Variants in TOP2A observed in about 807,000 individuals in gnomAD.
The protein encoded by TOP2A is DNA topoisomerase II alpha.
Under a neutral mutation model 187.2 loss-of-function variants are expected in TOP2A, and 68 were observed. The observed-to-expected ratio is 0.36, with a 90% CI of 0.30 to 0.44. TOP2A has a LOEUF of 0.44. Ranked by LOEUF, TOP2A falls within the 20% of genes least tolerant of loss-of-function variation. The pLI is 1.00. For synonymous variants in TOP2A, 542 were observed against 593.2 expected (o/e 0.91, Z 1.25); for missense variants, 1,196 against 1,808.7 (o/e 0.66, Z 6.14).
chr17:40,397,916 T>C (rs1014607634), intron 27 of TOP2A, among the ~76,000 whole-genome samples: 3 of 151,512 alleles, frequency 2.0e-5, no homozygotes, highest in African/African-American at 7.3e-5. Flanking sequence ...GTAGCTGGGA[T>C]TACAGGCATG....
intron 7 of TOP2A, 116 bp downstream of exon 7, chr17:40,412,643 C>A: frequency 1.3e-6 from 1 of 770,022 alleles, no homozygotes; most frequent in East Asian, 2.8e-5. Context: ...GACTCTGTCT[C>A]AAACAAACAA....
intron 5 of TOP2A, 39 bp downstream of exon 5, chr17:40,413,441 T>G: frequency 6.8e-7 from 1 of 1,464,214 alleles, no homozygotes; most frequent in African/African-American, 1.4e-5. Flanking sequence ...ATATATATAT[T>G]TTTAGCAACA....
chr17:40,416,951 T>G, intron 1 of TOP2A, 56 bp from the exon 2 acceptor site: 1 of 1,448,104 alleles, frequency 6.9e-7, no homozygotes, highest in Non-Finnish European at 9.3e-7. Flanking sequence ...AAGTTTACCC[T>G]AAACTAGGAA....
chr17:40,391,907 A>G (rs2035025744), intron 32 of TOP2A, 161 bp downstream of exon 32: 6 of 837,384 alleles, frequency 7.2e-6, no homozygotes, highest in East Asian at 2.7e-5. Context: ...ACCTATTTAC[A>G]TGTGAAACTA....
At chr17:40,410,702 G>A in intron 10 of TOP2A, 2 of 444,064 alleles carry the variant, frequency 4.5e-6, no homozygotes, top group Non-Finnish European at 8.9e-6. Context: ...ATACAACCTA[G>A]AGGTTGGTTG....
At position 40,416,021 on chromosome 17, in the gene TOP2A, TA is replaced by T; in HGVS notation, c.315del (p.Arg106GlufsTer10). On this transcript the variant is annotated frameshift_variant, in exon 4 of 35. Transcript: ENST00000423485. LOFTEE classifies it high-confidence loss of function. ...NKQRDPKMSC[I>X]RVTIDPENNL... is the part of the protein sequence containing the mutation. ...AAGACGTACGGATCAATTGTGACTC[TA>T]ATACAAGACATTTTTGGGTCCCTTT... is the stretch of plus-strand genomic sequence containing the variant. The T allele has an allele frequency of 6.3e-7, 1 of 1,590,502 alleles. No homozygotes were observed.
intron 32 of TOP2A, 72 bp from the exon 33 acceptor site, chr17:40,391,712 T>C: frequency 1.4e-6 from 2 of 1,397,218 alleles, no homozygotes; most frequent in Non-Finnish European, 1.9e-6. Context: ...GCTTTGTCCC[T>C]GGTATGAATT....
At chr17:40,394,971 T>C (rs542421666) in intron 29 of TOP2A, among the ~76,000 whole-genome samples, 48 of 152,082 alleles carry the variant, frequency 3.2e-4, no homozygotes, top group Non-Finnish European at 5.7e-4. Flanking sequence ...CTATAATGAA[T>C]CAAATCCCAA....
intron 20 of TOP2A, among the ~76,000 whole-genome samples, chr17:40,401,908 G>C (rs1408146237): frequency 1.3e-5 from 2 of 152,062 alleles, no homozygotes; most frequent in Non-Finnish European, 2.9e-5. Context: ...TGGAAGGTGG[G>C]GACACGGATC....
intron 30 of TOP2A, 96 bp downstream of exon 30, chr17:40,392,489 T>C: frequency 6.8e-7 from 1 of 1,471,802 alleles, no homozygotes; most frequent in Non-Finnish European, 9.2e-7. Context: ...TTTACTGCTC[T>C]ATTAAGACAC....
chr17:40,409,489 T>C, intron 10 of TOP2A: 2 of 449,026 alleles, frequency 4.5e-6, no homozygotes, highest in Non-Finnish European at 4.5e-6. Context: ...CTGGGTGCAG[T>C]GGCTTACGCC....
At chr17:40,404,757 A>G in intron 17 of TOP2A, 34 bp downstream of exon 17, 1 of 1,385,378 alleles carries the variant, frequency 7.2e-7, no homozygotes, top group Non-Finnish European at 1.0e-6. Context: ...TCAGTCTAAC[A>G]ATCCATTTTG....
chr17:40,415,611 T>G (rs2035380495), intron 4 of TOP2A, among the ~76,000 whole-genome samples: 1 of 152,238 alleles, frequency 6.6e-6, no homozygotes, highest in African/African-American at 2.4e-5. Context: ...CTGAAGGTGC[T>G]TGCTCAAATA....
rs1298379244 is a variant in TOP2A, at chr17:40,389,320, A to G, written c.*199T>C. The G allele has an allele frequency of 4.1e-6, 2 of 483,530 alleles. No homozygotes were observed. Among genetic ancestry groups the G allele is most frequent in the East Asian group, 6.9e-5 (2 of 28,804 alleles). The allele number at this position is 483,530 out of a possible 1,614,324, so 30.0% of individuals were successfully genotyped here. A position where few individuals can be genotyped will look rare whatever the true frequency, so the allele number is the denominator to read the frequency against. On this transcript the variant is annotated 3_prime_UTR_variant, in exon 35 of 35. Transcript: ENST00000423485. ...ACACAGACAAAGCAGAGAAGAAAAC[A>G]ATGCCCATGAGATGGTCACTATTTA...
At position 40,412,989 on chromosome 17, in the gene TOP2A, A is replaced by C; in HGVS notation, c.577-18T>G. On this transcript the variant is annotated intron_variant, in intron 6 of 34. Coordinates refer to ENST00000423485, the MANE Select transcript of TOP2A (RefSeq NM_001067.4). ...ATCCATGTCTATGGAAGTAAAGAAT[A>C]GGAAACATGAAAAATTCAAGTCATC... The C allele has an allele frequency of 1.3e-6, 2 of 1,586,310 alleles. No homozygotes were observed. Among genetic ancestry groups the C allele is most frequent in the Non-Finnish European group, 1.7e-6 (2 of 1,164,486 alleles).
At position 40,412,752 on chromosome 17, in the gene TOP2A, T is replaced by C; in HGVS notation, c.789+7A>G. 1 of 1,608,434 alleles carries C rather than the reference T, an allele frequency of 6.2e-7. No individual in the cohort carries two copies. Among genetic ancestry groups the C allele is most frequent in the Non-Finnish European group, 8.5e-7 (1 of 1,175,138 alleles). ...TTATTATCCTTAACATCCAGGAAAA[T>C]ACTCACTGGCAGTTTATTTCCATTA... On this transcript the variant is annotated splice_region_variant and intron_variant, in intron 7 of 34. Coordinates refer to ENST00000423485, the MANE Select transcript of TOP2A (RefSeq NM_001067.4).
At chr17:40,405,063 C>T (rs1037652579) in intron 16 of TOP2A, among the ~76,000 whole-genome samples, 180 bp from the exon 17 acceptor site, 3 of 150,892 alleles carry the variant, frequency 2.0e-5, no homozygotes. Context: ...CATCTTGGCT[C>T]ACTGCAACCT....
Position 40,404,138 on chromosome 17 carries a change from G to C in TOP2A, c.2283+14C>G. ...TGATATAATGCTTTCTGGAAACATG[G>C]ATTGTGTGTTTACCTCACCATGATG... On this transcript the variant is annotated intron_variant, in intron 19 of 34. Coordinates refer to ENST00000423485, the MANE Select transcript of TOP2A (RefSeq NM_001067.4). 1 of 1,611,122 alleles carries C rather than the reference G, an allele frequency of 6.2e-7. No homozygotes were observed. Among genetic ancestry groups the C allele is most frequent in the African/African-American group, 1.3e-5 (1 of 74,892 alleles).
intron 17 of TOP2A, 38 bp from the exon 18 acceptor site, chr17:40,404,529 T>A: frequency 8.3e-7 from 1 of 1,197,858 alleles, no homozygotes; most frequent in Non-Finnish European, 1.2e-6. Context: ...TCTACCGGTC[T>A]AAACAATGCT....
Sources: gnomAD v4.1 joint callset for allele counts (sites outside exome capture counted in the v4.1 genomes callset) on GRCh38, gnomAD v4.1.1 for gene constraint, MANE v1.5 for transcripts, NCBI Gene and HGNC (gene_info 2026-07-23, HGNC 2026-07-21) for gene names.